NSMAF: variants seen among roughly 807,000 people sequenced by gnomAD.
NSMAF encodes protein FAN.
Under a neutral mutation model 134.9 loss-of-function variants are expected in NSMAF, and 90 were observed. The ratio of observed to expected loss-of-function variants is 0.67; its 90% CI spans 0.56 to 0.79. The LOEUF (loss-of-function observed/expected upper bound fraction) is 0.79, where lower values mean the gene tolerates loss of function less well. NSMAF is among the 30% of genes least tolerant of loss of function. NSMAF has a pLI of 0.00. For missense variants in NSMAF, 1,010 were observed against 1,119.0 expected (o/e 0.90, Z 1.39); for synonymous variants, 358 against 389.6 (o/e 0.92, Z 0.96).
At chr8:58,631,169 A>T (rs774643744) in intron 6 of NSMAF, among the ~76,000 whole-genome samples, 3 of 152,132 alleles carry the variant, frequency 2.0e-5, no homozygotes, top group Non-Finnish European at 2.9e-5. Context: ...TTAAAACTAA[A>T]TTTTTTAGTA....
intron 1 of NSMAF, 41 bp downstream of exon 1, chr8:58,659,532 A>T: frequency 6.6e-7 from 1 of 1,522,264 alleles, no homozygotes; most frequent in Non-Finnish European, 8.8e-7. Context: ...ACCGGCCCCG[A>T]CTAGGCCCCC....
rs371947207 is a variant in NSMAF at position 58,601,544 on chromosome 8, C to CAAAAA, written c.1126-10_1126-9insTTTTT. 8.0e-5 allele frequency: 73 copies of CAAAAA among 910,892 alleles called. No homozygotes were observed. The highest frequency in any genetic ancestry group is 4.1e-4 in the South Asian group (14 of 34,090). 56.4% of individuals were successfully genotyped at this position (910,892 alleles called of 1,614,324 possible). ...ATTTCCTGGTAGCGTGTCTAGAATA[C>CAAAAA]AGAAAAAAAAAAAAAATAGAGCTAA... is the stretch of plus-strand genomic sequence containing the variant. On this transcript the variant is annotated splice_polypyrimidine_tract_variant and intron_variant, in intron 14 of 30. Transcript: ENST00000038176.
intron 11 of NSMAF, 115 bp downstream of exon 11, chr8:58,607,654 T>A (rs1227153853): frequency 1.3e-6 from 1 of 767,242 alleles, no homozygotes; most frequent in African/African-American, 1.7e-5. Flanking sequence ...TCTATTTTCT[T>A]ACAGGACAGT....
At chr8:58,651,973 T>C (rs1807594981) in intron 1 of NSMAF, among the ~76,000 whole-genome samples, 1 of 152,200 alleles carries the variant, frequency 6.6e-6, no homozygotes, top group Non-Finnish European at 1.5e-5. Context: ...CAGTCTAAAC[T>C]TCAAGGATAC....
At chr8:58,632,882 T>C (rs1021294009) in intron 5 of NSMAF, among the ~76,000 whole-genome samples, 6 of 152,206 alleles carry the variant, frequency 3.9e-5, no homozygotes, top group African/African-American at 9.7e-5. Context: ...GTCTATCTCA[T>C]TGGAGTCATT....
chr8:58,605,499 G>A (rs1806384701), intron 12 of NSMAF, among the ~76,000 whole-genome samples: 1 of 152,094 alleles, frequency 6.6e-6, no homozygotes, highest in Non-Finnish European at 1.5e-5. Flanking sequence ...TTTATCTAGA[G>A]TTTTTAAAAC....
intron 1 of NSMAF, among the ~76,000 whole-genome samples, chr8:58,652,131 C>G (rs1194394852): frequency 6.6e-6 from 1 of 151,810 alleles, no homozygotes. Flanking sequence ...AAACTTTTAG[C>G]TTTAGGAAGC....
At chr8:58,652,411 G>C (rs900615535) in intron 1 of NSMAF, among the ~76,000 whole-genome samples, 4 of 152,160 alleles carry the variant, frequency 2.6e-5, no homozygotes, top group African/African-American at 9.7e-5. Flanking sequence ...CAGGAAAAAG[G>C]CTGGTGTTTC....
chr8:58,641,856 T>C (rs1049956183), intron 2 of NSMAF, among the ~76,000 whole-genome samples: 19 of 152,228 alleles, frequency 1.2e-4, no homozygotes, highest in Admixed American at 1.2e-3. Context: ...GCCCTAATAG[T>C]TACTTTAAAA....
intron 9 of NSMAF, among the ~76,000 whole-genome samples, chr8:58,611,119 T>G (rs1387359274): frequency 6.6e-6 from 1 of 152,082 alleles, no homozygotes; most frequent in South Asian, 2.1e-4. Context: ...TACAATAAAA[T>G]TATAATGCAT....
At chr8:58,584,308 GAAGT>G in intron 30 of NSMAF, 108 bp from the exon 31 acceptor site, 2 of 754,614 alleles carry the variant, frequency 2.7e-6, no homozygotes, top group South Asian at 1.6e-5. Flanking sequence ...CTAAACAAGT[GAAGT>G]AAGTTCTATT....
intron 2 of NSMAF, among the ~76,000 whole-genome samples, chr8:58,640,491 A>G (rs1194981948): frequency 6.6e-6 from 1 of 152,188 alleles, no homozygotes; most frequent in Non-Finnish European, 1.5e-5. Context: ...ATATACATGC[A>G]TGTATAAAAT....
intron 6 of NSMAF, among the ~76,000 whole-genome samples, chr8:58,625,559 G>C (rs1026337899): frequency 2.6e-5 from 4 of 152,148 alleles, no homozygotes; most frequent in South Asian, 2.1e-4. Context: ...TCTTGTGAAA[G>C]TTTTTTATTT....
At chr8:58,594,554 T>C (rs111601968) in intron 22 of NSMAF, 31 of 430,278 alleles carry the variant, frequency 7.2e-5, no homozygotes, top group Non-Finnish European at 1.2e-4. Context: ...TTCCTGACAA[T>C]TTCTGGCAAT....
At chr8:58,657,534 T>C (rs1410615429) in intron 1 of NSMAF, among the ~76,000 whole-genome samples, 1 of 152,236 alleles carries the variant, frequency 6.6e-6, no homozygotes, top group Non-Finnish European at 1.5e-5. Flanking sequence ...ATTTGGGGCT[T>C]AATAAAGTTG....
chr8:58,592,918 A>C (rs908821435), intron 23 of NSMAF, among the ~76,000 whole-genome samples: 9 of 59,596 alleles, frequency 1.5e-4, no homozygotes, highest in East Asian at 7.8e-4. Flanking sequence ...CAACAACAAC[A>C]AAAAAAAAAC....
intron 19 of NSMAF, 111 bp downstream of exon 19, chr8:58,599,121 T>G (rs1806213069): frequency 9.5e-7 from 1 of 1,051,558 alleles, no homozygotes; most frequent in African/African-American, 1.6e-5. Context: ...TAAGACTAAT[T>G]GCTTTGGCCT....
chr8:58,609,823 A>G (rs570176379), intron 9 of NSMAF, 90 bp from the exon 10 acceptor site: 6 of 1,244,050 alleles, frequency 4.8e-6, no homozygotes, highest in African/African-American at 3.0e-5. Flanking sequence ...GTGACTTTCT[A>G]TGACATTTGT....
intron 6 of NSMAF, among the ~76,000 whole-genome samples, chr8:58,628,471 T>C (rs1271660513): frequency 1.3e-5 from 2 of 152,238 alleles, no homozygotes; most frequent in Non-Finnish European, 2.9e-5. Flanking sequence ...GTTAATGATA[T>C]CTCAAATTAC....
Sources: allele counts gnomAD v4.1 joint callset (sites outside exome capture counted in the v4.1 genomes callset), GRCh38; gene constraint gnomAD v4.1.1; transcripts MANE v1.5; gene names NCBI Gene and HGNC (gene_info 2026-07-23, HGNC 2026-07-21).